The following NFATC1 variants were observed in gnomAD, a reference collection of about 807,000 sequenced individuals.
NFATC1 encodes nuclear factor of activated T-cells, cytoplasmic 1.
A neutral mutation model predicts 76.0 loss-of-function variants in NFATC1; 22 were observed. The ratio of observed to expected loss-of-function variants is 0.29; its 90% CI spans 0.21 to 0.41. The LOEUF (loss-of-function observed/expected upper bound fraction) is 0.41, where lower values mean the gene tolerates loss of function less well. NFATC1 is among the 10% of genes least tolerant of loss of function. The probability of loss-of-function intolerance (pLI) is 1.00; values close to 1 mark genes in which losing one functional copy is unlikely to be tolerated. For synonymous variants in NFATC1, 704 were observed against 613.1 expected, an observed-to-expected ratio of 1.15 and a Z score of -2.19; for missense variants, 1,357 against 1,337.7, an observed-to-expected ratio of 1.01 and a Z score of -0.23.
intron 8 of NFATC1, chr18:79,468,496 T>C (rs2088633440): frequency 6.6e-6 from 1 of 152,266 alleles, no homozygotes; most frequent in Non-Finnish European, 1.5e-5. Context: ...TATTGCTTTT[T>C]TTCTAAAAAC....
intron 2 of NFATC1, among the ~76,000 whole-genome samples, chr18:79,427,427 G>GA (rs2086391608): frequency 7.5e-6 from 1 of 133,204 alleles, no homozygotes. Context: ...CTGTGCGGTG[G>GA]GTGGGGGGGA....
At chr18:79,454,137 G>A (rs1185910407) in intron 6 of NFATC1, among the ~76,000 whole-genome samples, 6 of 152,182 alleles carry the variant, frequency 3.9e-5, no homozygotes, top group Non-Finnish European at 5.9e-5. Flanking sequence ...TCCTGCTGAG[G>A]AAATCCGTCA....
rs372768753 is a variant in NFATC1 at position 79,527,542 on chromosome 18, C to A, written c.2797C>A (p.Arg933=). ...LYLDDVNEII[R]NDLSSTSTHS is the part of the protein sequence containing the mutation. ...TTTTCTTACAGTAAATGAAATAATA[C>A]GAAATGACCTCTCCAGCACGAGCAC... is the stretch of plus-strand genomic sequence containing the variant. The change falls in exon 10 of 10, where the codon CGA becomes AGA. Residue 933 remains arginine (R), a synonymous_variant. Transcript: ENST00000427363. The A allele has an allele frequency of 6.2e-7, 1 of 1,613,804 alleles. No individual in the cohort carries two copies. Among genetic ancestry groups the A allele is most frequent in the East Asian group, 2.2e-5 (1 of 44,882 alleles).
At chr18:79,521,307 G>A (rs1264475845) in intron 9 of NFATC1, among the ~76,000 whole-genome samples, 8 of 67,694 alleles carry the variant, frequency 1.2e-4, no homozygotes, top group Non-Finnish European at 1.7e-4. Context: ...GGGGGGGGGC[G>A]TCTCCTGATG....
intron 1 of NFATC1, among the ~76,000 whole-genome samples, chr18:79,398,029 G>A (rs1013781453): frequency 3.2e-4 from 49 of 152,264 alleles, no homozygotes; most frequent in African/African-American, 1.2e-3. Flanking sequence ...AGCCATCGCT[G>A]AGACCACCGG....
At chr18:79,454,811 C>G (rs2087615750) in intron 6 of NFATC1, among the ~76,000 whole-genome samples, 1 of 152,192 alleles carries the variant, frequency 6.6e-6, no homozygotes, top group Admixed American at 6.5e-5. Flanking sequence ...CAAGAACCCC[C>G]AGTTTCCAAG....
chr18:79,409,109 CCATCAAACCATTATTCCTCCATTCCCT>C (rs2085550619), intron 1 of NFATC1, among the ~76,000 whole-genome samples: 1 of 81,474 alleles, frequency 1.2e-5, no homozygotes, highest in African/African-American at 3.1e-5. Flanking sequence ...ATCCATCCAT[CCATCAAACCATTATTCCTCCATTCCCT>C]ATCCATCCAT....
chr18:79,458,323 G>GACGCCGCGGGGAGCAGGGCAGGA (rs879401627), intron 6 of NFATC1, among the ~76,000 whole-genome samples: 6 of 149,438 alleles, frequency 4.0e-5, no homozygotes, highest in South Asian at 2.1e-4. Context: ...CAGGGCACGA[G>GACGCCGCGGGGAGCAGGGCAGGA]GATGCTTTGG....
chr18:79,447,931 A>C (rs1005698376), intron 3 of NFATC1, among the ~76,000 whole-genome samples: 2 of 152,236 alleles, frequency 1.3e-5, no homozygotes, highest in African/African-American at 2.4e-5. Flanking sequence ...TGAGCAACTC[A>C]TCCCACAGAA....
chr18:79,452,106 C>T (rs1481133340), intron 6 of NFATC1: 1 of 284,002 alleles, frequency 3.5e-6, no homozygotes, highest in Non-Finnish European at 6.5e-6. Flanking sequence ...GCTGGGGACG[C>T]AGAGGAGGGC....
intron 2 of NFATC1, among the ~76,000 whole-genome samples, chr18:79,429,296 C>T (rs887456708): frequency 1.2e-4 from 18 of 150,710 alleles, no homozygotes; most frequent in African/African-American, 3.9e-4. Context: ...CGTCGGTCAC[C>T]GTCCAGACCG....
chr18:79,528,005 G>A lies in NFATC1; in HGVS notation c.*428G>A. 1 of 411,600 alleles carries A rather than the reference G, an allele frequency of 2.4e-6. No individual in the cohort carries two copies. Among genetic ancestry groups the A allele is most frequent in the Non-Finnish European group, 4.3e-6 (1 of 233,066 alleles). The allele number at this position is 411,600 out of a possible 1,614,324, so 25.5% of individuals were successfully genotyped here. A position where few individuals can be genotyped will look rare whatever the true frequency, so the allele number is the denominator to read the frequency against. Reference sequence around the variant, plus strand: ...TGCTACTGTAGGAGTATTTTTAGGAGCAGAAACTGCAAACACATTTCATTG... The same window carrying A: ...TGCTACTGTAGGAGTATTTTTAGGAACAGAAACTGCAAACACATTTCATTG... On this transcript the variant is annotated 3_prime_UTR_variant, in exon 10 of 10. Transcript: ENST00000427363.
chr18:79,431,827 C>T (rs1403819705), intron 2 of NFATC1, among the ~76,000 whole-genome samples: 1 of 152,198 alleles, frequency 6.6e-6, no homozygotes, highest in South Asian at 2.1e-4. Flanking sequence ...CTCAGCCTCT[C>T]GAGTAGCTGG....
In NFATC1 at chr18:79,451,108, T is replaced by A. The variant is rs1240046748; in HGVS notation, c.1744T>A (p.Ser582Thr). ...SGRTLSLQVA[S>T]NPIECSQRSA... Reference sequence around the variant, plus strand: ...CCGCACGCTGTCCCTGCAGGTGGCCTCCAACCCCATCGAATGCTGTAAGTG... The same window carrying A: ...CCGCACGCTGTCCCTGCAGGTGGCCACCAACCCCATCGAATGCTGTAAGTG... Residue 582 changes from serine to threonine, a missense_variant, in exon 5 of 10, where the codon TCC (serine) becomes ACC (threonine). Ser to Thr is a moderately conservative substitution (Grantham distance 58). This residue lies in a region of NFATC1 where 242 missense variants were observed against 329.2 expected (regional missense o/e 0.74). Coordinates refer to ENST00000427363, the MANE Select transcript of NFATC1 (RefSeq NM_001278669.2). The A allele has an allele frequency of 6.2e-7, 1 of 1,611,258 alleles. No individual in the cohort carries two copies. Among genetic ancestry groups the A allele is most frequent in the South Asian group, 1.1e-5 (1 of 91,002 alleles).
chr18:79,452,631 A>G (rs2087524668), intron 6 of NFATC1, among the ~76,000 whole-genome samples: 1 of 152,176 alleles, frequency 6.6e-6, no homozygotes, highest in South Asian at 2.1e-4. Flanking sequence ...ACTGATGGGA[A>G]ACTGGCATTG....
intron 9 of NFATC1, among the ~76,000 whole-genome samples, chr18:79,495,771 G>T (rs991300851): frequency 4.6e-5 from 7 of 152,152 alleles, no homozygotes; most frequent in African/African-American, 1.7e-4. Context: ...AGGCGTTCGC[G>T]AGTCATTGTA....
At chr18:79,400,038 G>C (rs2085134374) in intron 1 of NFATC1, among the ~76,000 whole-genome samples, 1 of 151,978 alleles carries the variant, frequency 6.6e-6, no homozygotes, top group East Asian at 1.9e-4. Flanking sequence ...GCCGCTCGTG[G>C]GGTCCCGACG....
chr18:79,473,951 A>G (rs544881707), intron 8 of NFATC1, among the ~76,000 whole-genome samples: 1 of 146,754 alleles, frequency 6.8e-6, no homozygotes, highest in South Asian at 2.2e-4. Flanking sequence ...TGTAAACCTG[A>G]GGGAAGCGTG....
intron 9 of NFATC1, among the ~76,000 whole-genome samples, chr18:79,487,737 G>A (rs1038062670): frequency 1.3e-5 from 2 of 152,164 alleles, no homozygotes; most frequent in South Asian, 2.1e-4. Context: ...CGCTGTGATC[G>A]GGGCGTGCCC....
Sources: allele counts gnomAD v4.1 joint callset (sites outside exome capture counted in the v4.1 genomes callset), GRCh38; gene constraint gnomAD v4.1.1; regional missense constraint gnomAD v4.1.1; transcripts MANE v1.5; gene names NCBI Gene and HGNC (gene_info 2026-07-23, HGNC 2026-07-21).